HHIP: variants seen among roughly 807,000 people sequenced by gnomAD.
The protein encoded by HHIP is hedgehog-interacting protein.
Under a neutral mutation model 74.0 loss-of-function variants are expected in HHIP, and 12 were observed. The ratio of observed to expected loss-of-function variants is 0.16; its 90% CI spans 0.10 to 0.26. The LOEUF (loss-of-function observed/expected upper bound fraction) is 0.26. Among genes scored for constraint, HHIP ranks in the 10% least tolerant of loss-of-function variants. The pLI, the probability that HHIP is intolerant of heterozygous loss-of-function variation, is 1.00. For missense variants in HHIP, 788 were observed against 845.0 expected (o/e 0.93, Z 0.84); for synonymous variants, 309 against 311.6 (o/e 0.99, Z 0.09).
At position 144,707,128 on chromosome 4, in the gene HHIP, T is replaced by C; in HGVS notation, c.1025T>C (p.Phe342Ser). The C allele has an allele frequency of 1.2e-6, 2 of 1,614,134 alleles. No homozygotes were observed. Among genetic ancestry groups the C allele is most frequent in the East Asian group, 2.2e-5 (1 of 44,880 alleles). ...HQVDLRTARV[F>S]LEVAELHRKH... ...GTTGATTTGAGAACAGCCAGAGTCTTTCTTGAAGTTGCAGAACTCCACAGA... is the reference window on the plus strand; with the variant it reads ...GTTGATTTGAGAACAGCCAGAGTCTCTCTTGAAGTTGCAGAACTCCACAGA... The change falls in exon 6 of 13, where the codon TTT becomes TCT. Residue 342 changes from phenylalanine to serine, a missense_variant. Physicochemically the swap from Phe to Ser is radical, Grantham distance 155 (BLOSUM62 -2). Around this residue, in one of 3 missense-constraint regions of HHIP, gnomAD observed 72 missense variants for 130.6 expected, o/e 0.55. Coordinates refer to ENST00000296575, the MANE Select transcript of HHIP (RefSeq NM_022475.3).
intron 7 of HHIP, 150 bp downstream of exon 7, chr4:144,708,461 A>C: frequency 1.5e-5 from 10 of 688,020 alleles, no homozygotes; most frequent in Non-Finnish European, 2.2e-5. Context: ...GTCATTACTC[A>C]AGTGAGTATT....
intron 4 of HHIP, among the ~76,000 whole-genome samples, chr4:144,678,237 T>C (rs562622850): frequency 5.3e-5 from 8 of 152,310 alleles, no homozygotes; most frequent in Admixed American, 1.3e-4. Flanking sequence ...AATGCTTATA[T>C]AGAGATTATG....
intron 3 of HHIP, among the ~76,000 whole-genome samples, chr4:144,659,352 A>T (rs745720521): frequency 5.9e-5 from 9 of 152,234 alleles, no homozygotes; most frequent in Non-Finnish European, 1.3e-4. Context: ...AATTTTAATT[A>T]TAGTCGCTGA....
intron 4 of HHIP, among the ~76,000 whole-genome samples, chr4:144,680,867 G>A (rs748003285): frequency 1.5e-4 from 23 of 152,096 alleles, no homozygotes; most frequent in Non-Finnish European, 2.4e-4. Flanking sequence ...CTATTTACTT[G>A]TTTACTGTCA....
In HHIP at chr4:144,646,634, C is replaced by T. The variant is rs1340514488; in HGVS notation, c.-42C>T. The stretch of plus-strand genomic sequence containing the variant: ...GCCCCTGCTGGGCAGTGGCGTTCCC[C>T]CCCATCCTCCCGCGCCCAGCCCCTG... On this transcript the variant is annotated 5_prime_UTR_variant, in exon 1 of 13. Transcript: ENST00000296575. 2.5e-6 allele frequency: 4 copies of T among 1,589,950 alleles called. No individual in the cohort carries two copies. The African/African-American group carries it at 5.4e-5, about 21-fold the overall frequency.
chr4:144,717,878 T>G (rs1283124155), intron 10 of HHIP, among the ~76,000 whole-genome samples: 1 of 152,204 alleles, frequency 6.6e-6, no homozygotes. Flanking sequence ...TGGCCTCAAA[T>G]TAGCAATTAA....
intron 4 of HHIP, among the ~76,000 whole-genome samples, chr4:144,685,299 GTC>G (rs1262025162): frequency 6.6e-6 from 1 of 152,196 alleles, no homozygotes; most frequent in East Asian, 1.9e-4. Context: ...TTAAAGATGA[GTC>G]TCTGAATAGT....
intron 4 of HHIP, among the ~76,000 whole-genome samples, chr4:144,670,805 T>C (rs1376341110): frequency 6.9e-6 from 1 of 145,206 alleles, no homozygotes; most frequent in Non-Finnish European, 1.5e-5. Context: ...AAGAAAGTGC[T>C]AGTCTTATGA....
intron 7 of HHIP, among the ~76,000 whole-genome samples, chr4:144,710,447 T>C (rs115356222): frequency 0.027 from 4,037 of 152,314 alleles, 68 homozygotes; most frequent in Non-Finnish European, 0.038. Context: ...AATGAGATCA[T>C]TGGGAGCCAA....
In HHIP at chr4:144,744,102, A is replaced by C. The variant is rs1351775330; in HGVS notation, c.*6145A>C. 6.6e-6 allele frequency: 1 copy of C among 152,160 alleles called. No homozygotes were observed. Among genetic ancestry groups the C allele is most frequent in the African/African-American group, 2.4e-5 (1 of 41,452 alleles). 9.4% of individuals were successfully genotyped at this position (152,160 alleles called of 1,614,324 possible). A position where few individuals can be genotyped will look rare whatever the true frequency, so the allele number is the denominator to read the frequency against. ...CATATGTTTGGACATGCGTTTCACC[A>C]AGAACCATGTAGTAATAAGATAAAT... On this transcript the variant is annotated 3_prime_UTR_variant, in exon 13 of 13. Transcript: ENST00000296575.
At position 144,740,663 on chromosome 4, in the gene HHIP, A is replaced by G. The variant is rs1731241936; in HGVS notation, c.*2706A>G. On this transcript the variant is annotated 3_prime_UTR_variant, in exon 13 of 13. Coordinates refer to ENST00000296575, the MANE Select transcript of HHIP (RefSeq NM_022475.3). ...GAATTATCTTCAATGATTCATGATG[A>G]GAGGCAGGTAGGAATTGGTTAAGAA... is the stretch of plus-strand genomic sequence containing the variant. 1 of 152,164 alleles carries G rather than the reference A, an allele frequency of 6.6e-6. No homozygotes were observed. The highest frequency in any genetic ancestry group is 2.4e-5 in the African/African-American group (1 of 41,436). 9.4% of individuals were successfully genotyped at this position (152,164 alleles called of 1,614,324 possible).
In HHIP at chr4:144,743,734, A is replaced by G. The variant is rs1274914423; in HGVS notation, c.*5777A>G. 1 of 152,152 alleles carries G rather than the reference A, an allele frequency of 6.6e-6. No individual in the cohort carries two copies. The highest frequency in any genetic ancestry group is 1.9e-4 in the East Asian group (1 of 5,196). The allele number at this position is 152,152 out of a possible 1,614,324, so 9.4% of individuals were successfully genotyped here. On this transcript the variant is annotated 3_prime_UTR_variant, in exon 13 of 13. Coordinates refer to ENST00000296575, the MANE Select transcript of HHIP (RefSeq NM_022475.3). ...GAAAACATTTAAGTACATAATATAA[A>G]AAGAACTGAACATTAACAGTAATGG...
intron 4 of HHIP, among the ~76,000 whole-genome samples, chr4:144,698,173 C>A (rs757244476): frequency 2.0e-5 from 3 of 152,140 alleles, no homozygotes; most frequent in Admixed American, 6.5e-5. Context: ...TATCTTCTAG[C>A]AGCTCTCCAA....
In HHIP at chr4:144,725,830, G is replaced by A. The variant is rs565615616; in HGVS notation, c.1760+6874G>A. 1.3e-3 allele frequency among the ~76,000 whole-genome samples: 205 copies of A among 152,050 alleles called. 1 individual carries two copies. Among genetic ancestry groups the A allele is most frequent in the Middle Eastern group, 3.4e-3 (1 of 294 alleles). On this transcript the variant is annotated intron_variant, in intron 11 of 12. Coordinates refer to ENST00000296575, the MANE Select transcript of HHIP (RefSeq NM_022475.3). ...ATTACAGGTGCACACTACCAAACCC[G>A]GCTAATTTTTTGTATTTTTTGTAGA...
chr4:144,652,129 G>C (rs1728442928), intron 1 of HHIP, among the ~76,000 whole-genome samples: 1 of 151,946 alleles, frequency 6.6e-6, no homozygotes, highest in Non-Finnish European at 1.5e-5. Context: ...TGTAACCCAA[G>C]TATATTTTTG....
intron 11 of HHIP, among the ~76,000 whole-genome samples, chr4:144,721,574 G>T (rs1308231089): frequency 7.5e-6 from 1 of 132,804 alleles, no homozygotes; most frequent in African/African-American, 2.8e-5. Context: ...AAAATGCCTA[G>T]AACTCAGGAG....
intron 11 of HHIP, among the ~76,000 whole-genome samples, chr4:144,733,490 T>C (rs1005658867): frequency 3.9e-5 from 6 of 152,196 alleles, no homozygotes; most frequent in Non-Finnish European, 5.9e-5. Context: ...TTATCATCAC[T>C]GTTCATATTG....
chr4:144,660,477 A>G (rs1728682425), intron 4 of HHIP, among the ~76,000 whole-genome samples: 1 of 152,190 alleles, frequency 6.6e-6, no homozygotes, highest in Non-Finnish European at 1.5e-5. Context: ...AAAGCAAATT[A>G]TGACGTTCTA....
chr4:144,649,197 T>C (rs559817034), intron 1 of HHIP, among the ~76,000 whole-genome samples: 98 of 151,838 alleles, frequency 6.5e-4, no homozygotes, highest in Non-Finnish European at 1.2e-3. Context: ...ACAGGAGAGA[T>C]GATTGCTATT....
Sources: gnomAD v4.1 joint callset for allele counts (sites outside exome capture counted in the v4.1 genomes callset) on GRCh38, gnomAD v4.1.1 for gene constraint, gnomAD v4.1.1 regional missense constraint, MANE v1.5 for transcripts, NCBI Gene and HGNC (gene_info 2026-07-23, HGNC 2026-07-21) for gene names.